SNCAIP: variants seen among roughly 807,000 people sequenced by gnomAD.
SNCAIP encodes synuclein alpha interacting protein.
In SNCAIP, 43 loss-of-function variants were observed where a neutral mutation model predicts 86.7. That is an observed-to-expected ratio of 0.50 (90% CI 0.39 to 0.64). The LOEUF (loss-of-function observed/expected upper bound fraction) is 0.64. SNCAIP is among the 30% of genes least tolerant of loss of function. SNCAIP has a pLI of 0.00. For synonymous variants in SNCAIP, 417 were observed against 427.2 expected (o/e 0.98, Z 0.29); for missense variants, 981 against 1,103.1 (o/e 0.89, Z 1.57).
Position 122,371,938 on chromosome 5 carries a change from A to G in SNCAIP, c.-46-19151A>G, listed in dbSNP as rs115137697. ...CACAGGGGTTTCTATTTGACTGATA[A>G]TGGATGTTTCTTAAAGAAGAAAAAT... On this transcript the variant is annotated intron_variant, in intron 1 of 10. Transcript: ENST00000261368. Among the ~76,000 whole-genome samples, 1,120 of 152,294 alleles carry G rather than the reference A, an allele frequency of 7.4e-3. 7 individuals are homozygous for G. Among genetic ancestry groups the G allele is most frequent in the Non-Finnish European group, 0.012 (839 of 68,026 alleles).
At position 122,449,704 on chromosome 5, in the gene SNCAIP, G is replaced by A. The variant is rs1783309639; in HGVS notation, c.1593-141G>A. The A allele has an allele frequency of 4.5e-5, 31 of 690,866 alleles. No individual in the cohort carries two copies. In the South Asian group the frequency reaches 4.6e-4, roughly 10 times the overall value. 42.8% of individuals were successfully genotyped at this position (690,866 alleles called of 1,614,324 possible). A position where few individuals can be genotyped will look rare whatever the true frequency, so the allele number is the denominator to read the frequency against. On this transcript the variant is annotated intron_variant, in intron 8 of 10. Coordinates refer to ENST00000261368, the MANE Select transcript of SNCAIP (RefSeq NM_005460.4). ...TTTCCTTAGGAAAATTTCTGAACCT[G>A]TAAGGATGAATATTATGCACATTTT...
intron 3 of SNCAIP, among the ~76,000 whole-genome samples, chr5:122,410,709 G>A (rs58822068): frequency 0.011 from 1,709 of 152,234 alleles, 30 homozygotes; most frequent in African/African-American, 0.037. Flanking sequence ...TGTAATCCCC[G>A]GTACTCAGGA....
intron 1 of SNCAIP, among the ~76,000 whole-genome samples, chr5:122,328,297 C>T (rs1440117966): frequency 2.0e-5 from 3 of 152,162 alleles, no homozygotes; most frequent in Non-Finnish European, 2.9e-5. Context: ...GGCTAGAGAT[C>T]CTCTTTGTCT....
intron 3 of SNCAIP, among the ~76,000 whole-genome samples, chr5:122,420,404 TA>T (rs1398568063): frequency 6.6e-6 from 1 of 152,116 alleles, no homozygotes; most frequent in African/African-American, 2.4e-5. Flanking sequence ...AATACATAAA[TA>T]TATTGGTACA....
At chr5:122,454,926 T>C (rs962945075) in intron 10 of SNCAIP, among the ~76,000 whole-genome samples, 3 of 152,222 alleles carry the variant, frequency 2.0e-5, no homozygotes, top group Admixed American at 6.5e-5. Context: ...AATGAGGTTA[T>C]GGGGCTACTC....
chr5:122,357,872 A>G (rs1205965010), intron 1 of SNCAIP, among the ~76,000 whole-genome samples: 3 of 152,164 alleles, frequency 2.0e-5, no homozygotes, highest in African/African-American at 7.2e-5. Flanking sequence ...CAGATACAGA[A>G]CATTTCCATA....
chr5:122,451,362 G>T lies in SNCAIP; in HGVS notation c.2515G>T (p.Asp839Tyr). ...TGAACTGAATGGAGAAAAAGACAAA[G>T]ATAAGGGCAGGACTCTCCAGCGGAC... Reference protein sequence around the residue: ...SLELNGEKDKDKGRTLQRTST... With the variant: ...SLELNGEKDKYKGRTLQRTST... Residue 839 changes from aspartate (D) to tyrosine (Y), a missense_variant, in exon 10 of 11, where the codon GAT (aspartate) becomes TAT (tyrosine). Transcript: ENST00000261368. The T allele has an allele frequency of 6.2e-7, 1 of 1,614,140 alleles. No individual in the cohort carries two copies. Among genetic ancestry groups the T allele is most frequent in the Non-Finnish European group, 8.5e-7 (1 of 1,180,006 alleles).
intron 8 of SNCAIP, among the ~76,000 whole-genome samples, chr5:122,446,918 A>G (rs539835224): frequency 6.6e-6 from 1 of 152,320 alleles, no homozygotes; most frequent in African/African-American, 2.4e-5. Context: ...CTGAAGTGCT[A>G]ATCAACAAGC....
chr5:122,423,801 C>A, intron 4 of SNCAIP, 62 bp downstream of exon 4: 1 of 1,407,350 alleles, frequency 7.1e-7, no homozygotes, highest in Non-Finnish European at 9.8e-7. Context: ...TAATAAACTG[C>A]ATTCGTTAGT....
intron 1 of SNCAIP, among the ~76,000 whole-genome samples, chr5:122,313,347 C>G (rs1430916654): frequency 6.6e-6 from 1 of 152,230 alleles, no homozygotes; most frequent in Admixed American, 6.5e-5. Flanking sequence ...CACCACGTGC[C>G]GTGGAGCCTG....
chr5:122,441,583 C>G (rs1281532937), intron 7 of SNCAIP, among the ~76,000 whole-genome samples: 2 of 152,136 alleles, frequency 1.3e-5, no homozygotes, highest in Non-Finnish European at 2.9e-5. Context: ...CATCTCATCC[C>G]TCAGTTGAAT....
chr5:122,421,751 A>G (rs1017105067), intron 3 of SNCAIP, among the ~76,000 whole-genome samples: 1 of 152,132 alleles, frequency 6.6e-6, no homozygotes, highest in East Asian at 1.9e-4. Flanking sequence ...CAAGTTTCCA[A>G]GGGTACTGGG....
upstream of SNCAIP, chr5:122,312,012 C>A (rs1285971839): frequency 3.4e-5 from 5 of 147,196 alleles, no homozygotes; most frequent in Admixed American, 1.3e-4. Flanking sequence ...GCCGCGCCCC[C>A]GTCCCCGGCC....
At chr5:122,437,691 G>T (rs1779832524) in intron 6 of SNCAIP, among the ~76,000 whole-genome samples, 1 of 152,160 alleles carries the variant, frequency 6.6e-6, no homozygotes, top group Non-Finnish European at 1.5e-5. Context: ...ATCTTTCATT[G>T]TAAGGAAGAA....
At chr5:122,363,954 C>A (rs1353511679) in intron 1 of SNCAIP, among the ~76,000 whole-genome samples, 4 of 151,980 alleles carry the variant, frequency 2.6e-5, no homozygotes, top group Non-Finnish European at 5.9e-5. Context: ...TCCTAAGTAG[C>A]TGAGACTGCA....
chr5:122,346,699 A>C (rs1164428124), intron 1 of SNCAIP, among the ~76,000 whole-genome samples: 1 of 151,994 alleles, frequency 6.6e-6, no homozygotes, highest in African/African-American at 2.4e-5. Flanking sequence ...CTTAGTATAT[A>C]TCTTCCTTCT....
At chr5:122,355,295 A>ACTT (rs1388921684) in intron 1 of SNCAIP, among the ~76,000 whole-genome samples, 11 of 152,138 alleles carry the variant, frequency 7.2e-5, no homozygotes, top group Non-Finnish European at 1.5e-4. Flanking sequence ...ATATAGGATG[A>ACTT]CTTCCCCAAA....
intron 1 of SNCAIP, among the ~76,000 whole-genome samples, chr5:122,355,717 G>A (rs1363099334): frequency 2.6e-5 from 4 of 152,192 alleles, no homozygotes; most frequent in African/African-American, 4.8e-5. Context: ...GGGGAATGGA[G>A]TAGAATTTCC....
chr5:122,335,016 A>C (rs1226831101), intron 1 of SNCAIP, among the ~76,000 whole-genome samples: 1 of 152,214 alleles, frequency 6.6e-6, no homozygotes, highest in Non-Finnish European at 1.5e-5. Flanking sequence ...GCAAGTGACA[A>C]ATCACCTTTA....
Sources: allele counts gnomAD v4.1 joint callset (sites outside exome capture counted in the v4.1 genomes callset), GRCh38; gene constraint gnomAD v4.1.1; transcripts MANE v1.5; gene names NCBI Gene and HGNC (gene_info 2026-07-23, HGNC 2026-07-21).